The following CNOT6 variants were observed in gnomAD, a reference collection of about 807,000 sequenced individuals.
CNOT6 encodes carbon catabolite repression 4 protein.
A neutral mutation model predicts 61.2 loss-of-function variants in CNOT6; 12 were observed. The observed-to-expected ratio is 0.20, with a 90% CI of 0.13 to 0.32. CNOT6 has a LOEUF of 0.32. Among genes scored for constraint, CNOT6 ranks in the 10% least tolerant of loss-of-function variants. The probability of loss-of-function intolerance (pLI) is 1.00; values close to 1 mark genes in which losing one functional copy is unlikely to be tolerated. For synonymous variants in CNOT6, 225 were observed against 240.6 expected, an observed-to-expected ratio of 0.94 and a Z score of 0.60; for missense variants, 405 against 663.9, an observed-to-expected ratio of 0.61 and a Z score of 4.28.
At position 180,561,356 on chromosome 5, in the gene CNOT6, TTGTGTGTGTG is replaced by T. The variant is rs35909953; in HGVS notation, c.386-3105_386-3096del. 5.7e-4 allele frequency among the ~76,000 whole-genome samples: 83 copies of T among 144,838 alleles called. 1 individual carries two copies. In the East Asian group the frequency reaches 8.9e-3, roughly 16 times the overall value. Reference sequence around the variant, plus strand: ...CAGTCTTCCTGTTTTCTTGTGTGTTTTGTGTGTGTGTGTGTGTGTGTGTGTGTGTGTGTGT... The same window carrying T: ...CAGTCTTCCTGTTTTCTTGTGTGTTTTGTGTGTGTGTGTGTGTGTGTGTGT... On this transcript the variant is annotated intron_variant, in intron 4 of 11. Transcript: ENST00000261951.
At chr5:180,536,033 T>A (rs1758678579) in intron 2 of CNOT6, among the ~76,000 whole-genome samples, 1 of 118,108 alleles carries the variant, frequency 8.5e-6, no homozygotes, top group Non-Finnish European at 1.6e-5. Flanking sequence ...TCTCACTCTG[T>A]TGCCCAGGCT....
chr5:180,498,571 A>G (rs13181218), intron 1 of CNOT6, among the ~76,000 whole-genome samples: 69,488 of 151,940 alleles, frequency 0.46, 17,107 homozygotes, highest in Non-Finnish European at 0.56. Context: ...GAACAGTGGG[A>G]ATGACTCGAG....
chr5:180,554,114 G>A (rs1338336965), intron 4 of CNOT6, among the ~76,000 whole-genome samples: 1 of 152,090 alleles, frequency 6.6e-6, no homozygotes, highest in Admixed American at 6.6e-5. Flanking sequence ...ACTAGATGAA[G>A]TCGTCAAGAT....
chr5:180,533,311 C>CATATATATAT (rs1305701783), intron 2 of CNOT6, among the ~76,000 whole-genome samples: 65 of 65,206 alleles, frequency 1.0e-3, no homozygotes, highest in East Asian at 3.6e-3. Flanking sequence ...TGGATGAAAA[C>CATATATATAT]CTATATATAT....
intron 1 of CNOT6, among the ~76,000 whole-genome samples, chr5:180,496,406 G>A (rs1756616112): frequency 6.6e-6 from 1 of 152,334 alleles, no homozygotes; most frequent in East Asian, 1.9e-4. Context: ...GTTTGTGTGC[G>A]TGTGAGAGCG....
At chr5:180,515,464 G>C (rs2662275) in intron 1 of CNOT6, among the ~76,000 whole-genome samples, 1 of 152,056 alleles carries the variant, frequency 6.6e-6, no homozygotes, top group South Asian at 2.1e-4. Flanking sequence ...AGTTAGCTAA[G>C]TTGAGGTAGT....
rs777881431 is a variant in CNOT6, at chr5:180,577,326, A to G, written c.*3126A>G. On this transcript the variant is annotated 3_prime_UTR_variant, in exon 12 of 12. Transcript: ENST00000261951. Reference sequence around the variant, plus strand: ...ATTAAAATTTCAAAGCTCTTTCGAGATTCAGGTTCTCAATAATAATATTCA... The same window carrying G: ...ATTAAAATTTCAAAGCTCTTTCGAGGTTCAGGTTCTCAATAATAATATTCA... 1 of 152,566 alleles carries G rather than the reference A, an allele frequency of 6.6e-6. No homozygotes were observed. The highest frequency in any genetic ancestry group is 1.5e-5 in the Non-Finnish European group (1 of 68,038). 9.5% of individuals were successfully genotyped at this position (152,566 alleles called of 1,614,324 possible).
chr5:180,538,186 C>T (rs554937330), intron 2 of CNOT6, among the ~76,000 whole-genome samples: 164 of 151,600 alleles, frequency 1.1e-3, no homozygotes, highest in Non-Finnish European at 1.7e-3. Context: ...CTACAGGTGC[C>T]CGCCACAACT....
chr5:180,507,295 G>A (rs1757170434), intron 1 of CNOT6, among the ~76,000 whole-genome samples: 1 of 152,116 alleles, frequency 6.6e-6, no homozygotes, highest in Admixed American at 6.6e-5. Flanking sequence ...AGGGTATTGA[G>A]ATGAACAAGA....
At chr5:180,505,672 C>T (rs935782931) in intron 1 of CNOT6, among the ~76,000 whole-genome samples, 17 of 151,886 alleles carry the variant, frequency 1.1e-4, no homozygotes, top group Admixed American at 4.6e-4. Context: ...CTCAGCCTCC[C>T]GCGTAGCTGG....
At chr5:180,501,893 T>A (rs1358161872) in intron 1 of CNOT6, among the ~76,000 whole-genome samples, 4 of 152,022 alleles carry the variant, frequency 2.6e-5, no homozygotes, top group Admixed American at 2.0e-4. Flanking sequence ...GATCTGGAAA[T>A]GGGTTGATAG....
chr5:180,570,687 G>C (rs536931437), intron 10 of CNOT6, among the ~76,000 whole-genome samples: 9 of 152,316 alleles, frequency 5.9e-5, no homozygotes, highest in African/African-American at 1.9e-4. Context: ...AAATGTAAAT[G>C]AAAGTATATT....
intron 1 of CNOT6, among the ~76,000 whole-genome samples, chr5:180,499,319 G>C (rs1756760592): frequency 2.6e-5 from 4 of 152,212 alleles, no homozygotes; most frequent in Admixed American, 2.6e-4. Flanking sequence ...GCAGGCTATA[G>C]ACCTTAAGCT....
At position 180,574,904 on chromosome 5, in the gene CNOT6, T is replaced by G. The variant is rs1760939959; in HGVS notation, c.*704T>G. 1 of 152,892 alleles carries G rather than the reference T, an allele frequency of 6.5e-6. No homozygotes were observed. Among genetic ancestry groups the G allele is most frequent in the African/African-American group, 2.4e-5 (1 of 41,580 alleles). The allele number at this position is 152,892 out of a possible 1,614,324, so 9.5% of individuals were successfully genotyped here. The stretch of plus-strand genomic sequence containing the variant: ...CTTTACATATAAATCTGCTTCAACC[T>G]TAGGATGTTTTCAGACCAGAGGCAA... On this transcript the variant is annotated 3_prime_UTR_variant, in exon 12 of 12. Coordinates refer to ENST00000261951, the MANE Select transcript of CNOT6 (RefSeq NM_001370472.1).
intron 11 of CNOT6, among the ~76,000 whole-genome samples, chr5:180,572,652 CA>C (rs1417773178): frequency 6.6e-6 from 1 of 152,086 alleles, no homozygotes; most frequent in East Asian, 1.9e-4. Context: ...CGGGCTCAGG[CA>C]ACCCTCCTGC....
rs1235217474 is a variant in CNOT6, at chr5:180,578,260, C to T, written c.*4060C>T. The T allele has an allele frequency of 6.6e-6, 1 of 152,580 alleles. No individual in the cohort carries two copies. The highest frequency in any genetic ancestry group is 2.1e-4 in the South Asian group (1 of 4,820). The allele number at this position is 152,580 out of a possible 1,614,324, so 9.5% of individuals were successfully genotyped here. Reference sequence around the variant, plus strand: ...GCATTTAGGATTTTCGTTGTTGTTACCTTATACCTCATGATATAAGGAATG... The same window carrying T: ...GCATTTAGGATTTTCGTTGTTGTTATCTTATACCTCATGATATAAGGAATG... On this transcript the variant is annotated 3_prime_UTR_variant, in exon 12 of 12. Transcript: ENST00000261951.
chr5:180,572,142 C>A (rs1034818535), intron 11 of CNOT6, among the ~76,000 whole-genome samples: 21 of 152,148 alleles, frequency 1.4e-4, no homozygotes, highest in Admixed American at 1.3e-3. Context: ...TAAACTCTTG[C>A]ATGCCAAAAT....
chr5:180,549,524 C>T (rs893002626), intron 2 of CNOT6, among the ~76,000 whole-genome samples: 7 of 152,152 alleles, frequency 4.6e-5, no homozygotes, highest in African/African-American at 1.7e-4. Flanking sequence ...GTGGCGGGTG[C>T]CTGTAATCCC....
At chr5:180,539,560 T>C (rs2127732633) in intron 2 of CNOT6, among the ~76,000 whole-genome samples, 1 of 6,900 alleles carries the variant, frequency 1.4e-4, no homozygotes, top group African/African-American at 4.7e-4. Context: ...TCTTTTTTTT[T>C]TTTTTTTTTT....
Sources: gnomAD v4.1 joint callset for allele counts (sites outside exome capture counted in the v4.1 genomes callset) on GRCh38, gnomAD v4.1.1 for gene constraint, MANE v1.5 for transcripts, NCBI Gene and HGNC (gene_info 2026-07-23, HGNC 2026-07-21) for gene names.